IGFN1: variants seen among roughly 807,000 people sequenced by gnomAD.
IGFN1 encodes the protein immunoglobulin like and fibronectin type III domain containing 1.
Under a neutral mutation model 289.5 loss-of-function variants are expected in IGFN1, and 253 were observed. That is an observed-to-expected ratio of 0.87 (90% CI 0.79 to 0.97). IGFN1 has a LOEUF of 0.97. Among genes scored for constraint, IGFN1 ranks in the 50% least tolerant of loss-of-function variants. The probability of loss-of-function intolerance (pLI) is 0.00; values close to 1 mark genes in which losing one functional copy is unlikely to be tolerated. For missense variants in IGFN1, 4,470 were observed against 4,686.1 expected (o/e 0.95, Z 1.35); for synonymous variants, 1,706 against 1,788.5 (o/e 0.95, Z 1.16).
chr1:201,203,810 G>T lies in IGFN1; in HGVS notation c.820G>T (p.Glu274Ter). 1.3e-6 allele frequency: 2 copies of T among 1,551,716 alleles called. No homozygotes were observed. Among genetic ancestry groups the T allele is most frequent in the Non-Finnish European group, 1.7e-6 (2 of 1,147,010 alleles). ...HCLRRLGKRYEFQIQDLRPED... is the reference protein window; with the variant it reads ...HCLRRLGKRY Reference sequence around the variant, plus strand: ...TCTGCGCCGGCTGGGGAAGCGCTATGAGTTCCAGATTCAAGACCTGAGGCC... The same window carrying T: ...TCTGCGCCGGCTGGGGAAGCGCTATTAGTTCCAGATTCAAGACCTGAGGCC... Residue 274 changes from glutamate to a stop codon, truncating the protein, a stop_gained, in exon 10 of 24, where the codon GAG (glutamate) becomes TAG (stop). Transcript: ENST00000335211. LOFTEE classifies it high-confidence loss of function.
chr1:201,216,673 A>G lies in IGFN1; in HGVS notation c.9515A>G (p.Tyr3172Cys). The change falls in exon 16 of 24, where the codon TAT becomes TGT. Residue 3172 changes from tyrosine to cysteine, a missense_variant. By Grantham distance (194) the Tyr-to-Cys change is radical. Coordinates refer to ENST00000335211, the MANE Select transcript of IGFN1 (RefSeq NM_001164586.2). ...GCCCATGTGGAGCCAGGCAGGAAGT[A>G]TACCTTCCGAGTGCGGGCTGTGACC... Reference protein sequence around the residue: ...TDAHVEPGRKYTFRVRAVTSE... With the variant: ...TDAHVEPGRKCTFRVRAVTSE... 2 of 1,613,906 alleles carry G rather than the reference A, an allele frequency of 1.2e-6. No homozygotes were observed. Among genetic ancestry groups the G allele is most frequent in the South Asian group, 1.1e-5 (1 of 91,080 alleles).
chr1:201,227,242 G>A lies in IGFN1; in HGVS notation c.11113+34G>A, dbSNP rs748194702. ...GGCTGCCCTGGCAGTGGGGCAGGAA[G>A]GAGAGCCAGGAGAGCAACCACCTGC... is the stretch of plus-strand genomic sequence containing the variant. On this transcript the variant is annotated intron_variant, in intron 23 of 23. Transcript: ENST00000335211. 6 of 1,488,138 alleles carry A rather than the reference G, an allele frequency of 4.0e-6. No individual in the cohort carries two copies. The South Asian group carries it at 5.2e-5, about 13-fold the overall frequency. 92.2% of individuals were successfully genotyped at this position (1,488,138 alleles called of 1,614,324 possible).
intron 4 of IGFN1, among the ~76,000 whole-genome samples, 190 bp from the exon 5 acceptor site, chr1:201,197,028 T>C (rs1053139224): frequency 6.6e-6 from 1 of 152,216 alleles, no homozygotes; most frequent in East Asian, 1.9e-4. Flanking sequence ...TGGCAAAGAA[T>C]TGATACATCC....
At position 201,212,859 on chromosome 1, in the gene IGFN1, GAGAA is replaced by G; in HGVS notation, c.7970_7973del (p.Lys2657MetfsTer84). On this transcript the variant is annotated frameshift_variant, in exon 12 of 24. Coordinates refer to ENST00000335211, the MANE Select transcript of IGFN1 (RefSeq NM_001164586.2). LOFTEE classifies it high-confidence loss of function. Reference sequence around the variant, plus strand: ...CTCCAGAGCTTCCGGTTCTCTGCAGGAGAAAGATGCCGCTTTTGGTGGGACCCAT... The same window carrying G: ...CTCCAGAGCTTCCGGTTCTCTGCAGGAGATGCCGCTTTTGGTGGGACCCAT... The G allele has an allele frequency of 6.4e-7, 1 of 1,551,298 alleles. No homozygotes were observed. The highest frequency in any genetic ancestry group is 8.7e-7 in the Non-Finnish European group (1 of 1,146,888).
intron 23 of IGFN1, among the ~76,000 whole-genome samples, chr1:201,227,836 G>A (rs1328802144): frequency 6.6e-6 from 1 of 152,202 alleles, no homozygotes; most frequent in Non-Finnish European, 1.5e-5. Context: ...GCTACACATT[G>A]CAGGCTGAGA....
At chr1:201,226,191 C>A in intron 22 of IGFN1, 68 bp downstream of exon 22, 1 of 1,451,016 alleles carries the variant, frequency 6.9e-7, no homozygotes, top group Non-Finnish European at 9.1e-7. Flanking sequence ...GTGGGATGCA[C>A]CCAAGCATGG....
intron 15 of IGFN1, 71 bp from the exon 16 acceptor site, chr1:201,216,383 G>C (rs1474528004): frequency 9.4e-6 from 12 of 1,277,146 alleles, no homozygotes; most frequent in Admixed American, 5.8e-5. Flanking sequence ...CGGGGAGTTG[G>C]GGGGGTTGGC....
At chr1:201,192,023 C>T (rs371336184) in intron 1 of IGFN1, among the ~76,000 whole-genome samples, 5 of 152,336 alleles carry the variant, frequency 3.3e-5, no homozygotes, top group South Asian at 2.1e-4. Flanking sequence ...TCCCCCTGGC[C>T]GTGTCCAGCT....
At chr1:201,193,632 A>T (rs1400127045) in intron 2 of IGFN1, among the ~76,000 whole-genome samples, 2 of 152,024 alleles carry the variant, frequency 1.3e-5, no homozygotes, top group Admixed American at 1.3e-4. Flanking sequence ...TTGTATTTTT[A>T]GTAAAGGTGG....
Position 201,201,839 on chromosome 1 carries a change from CTGGAGGGGCTATGGG to C in IGFN1, c.747+11_747+25del. The C allele has an allele frequency of 9.6e-7, 1 of 1,045,930 alleles. No homozygotes were observed. The highest frequency in any genetic ancestry group is 1.4e-6 in the Non-Finnish European group (1 of 696,960). 64.8% of individuals were successfully genotyped at this position (1,045,930 alleles called of 1,614,324 possible). A position where few individuals can be genotyped will look rare whatever the true frequency, so the allele number is the denominator to read the frequency against. Reference sequence around the variant, plus strand: ...CAAGATTTACCTGTATAAGGTGAGGCTGGAGGGGCTATGGGTGGGGGGGATCTGGCAGGGATGCTT... The same window carrying C: ...CAAGATTTACCTGTATAAGGTGAGGCTGGGGGGGATCTGGCAGGGATGCTT... On this transcript the variant is annotated splice_region_variant and intron_variant, in intron 9 of 23. Transcript: ENST00000335211.
chr1:201,226,071 G>T lies in IGFN1; in HGVS notation c.10734G>T (p.Gly3578=), dbSNP rs1241307557. ...GGGTGGTGGCCAAGAATGAGCTGGG[G>T]GCCAGCAAACCCTCGGACACCAGCC... ...HFRVVAKNEL[G]ASKPSDTSQP... is the part of the protein sequence containing the mutation. The change falls in exon 22 of 24, where the codon GGG becomes GGT. Residue 3578 remains glycine (G), a synonymous_variant. Coordinates refer to ENST00000335211, the MANE Select transcript of IGFN1 (RefSeq NM_001164586.2). The T allele has an allele frequency of 1.2e-6, 2 of 1,603,616 alleles. No individual in the cohort carries two copies. The highest frequency in any genetic ancestry group is 1.3e-5 in the African/African-American group (1 of 74,884).
rs201751289 is a variant in IGFN1, at chr1:201,212,914, G to A, written c.8021G>A (p.Gly2674Glu). Residue 2674 changes from glycine to glutamate, a missense_variant, in exon 12 of 24, where the codon GGG (glycine) becomes GAG (glutamate). Around this residue, in one of 8 missense-constraint regions of IGFN1, gnomAD observed 2,218 missense variants for 2,114.1 expected, o/e 1.05. Transcript: ENST00000335211. ...THEGPGGFKG[G>E]EGAPGQEAAG... ...GAAGGGCCAGGGGGCTTTAAGGGTG[G>A]GGAGGGTGCACCAGGCCAAGAGGCG... 4.1e-4 allele frequency: 635 copies of A among 1,551,528 alleles called. 4 individuals are homozygous for A. Among genetic ancestry groups the A allele is most frequent in the Non-Finnish European group, 4.0e-4 (458 of 1,146,978 alleles).
At chr1:201,197,180 G>A (rs993911134) in intron 4 of IGFN1, 38 bp from the exon 5 acceptor site, 3 of 1,264,764 alleles carry the variant, frequency 2.4e-6, no homozygotes, top group African/African-American at 3.0e-5. Flanking sequence ...GGAAGGGGAT[G>A]TGGTAGCCCT....
At chr1:201,203,635 T>G in intron 9 of IGFN1, 103 bp from the exon 10 acceptor site, 2 of 1,062,754 alleles carry the variant, frequency 1.9e-6, no homozygotes, top group Non-Finnish European at 2.7e-6. Flanking sequence ...GTCTGGCGAC[T>G]GGGCCCGTGG....
rs1475585429 is a variant in IGFN1, at chr1:201,213,419, G to A, written c.8526G>A (p.Gly2842=). 8.1e-6 allele frequency: 13 copies of A among 1,613,914 alleles called. No individual in the cohort carries two copies. The highest frequency in any genetic ancestry group is 1.1e-5 in the Non-Finnish European group (13 of 1,179,970). Residue 2842 remains glycine (G), a synonymous_variant, in exon 12 of 24, where the codon GGG becomes GGA. Transcript: ENST00000335211. ...RRGADEAGSM[G]WQPMGENWGC... The stretch of plus-strand genomic sequence containing the variant: ...GAGCAGACGAGGCTGGAAGCATGGG[G>A]TGGCAGCCTATGGGAGAGAACTGGG...
In IGFN1 at chr1:201,228,452, C is replaced by A; in HGVS notation, c.*53C>A. ...ACCCTTGAAGCTTCACTTCCGACAC[C>A]TGCACTGGCCCGGGAAGCCAATCCC... On this transcript the variant is annotated 3_prime_UTR_variant, in exon 24 of 24. Transcript: ENST00000335211. 1 of 1,589,508 alleles carries A rather than the reference C, an allele frequency of 6.3e-7. No individual in the cohort carries two copies. The highest frequency in any genetic ancestry group is 8.6e-7 in the Non-Finnish European group (1 of 1,157,492).
chr1:201,212,149 G>T lies in IGFN1; in HGVS notation c.7256G>T (p.Gly2419Val), dbSNP rs761626585. The stretch of plus-strand genomic sequence containing the variant: ...GAAACCAGGCTTGTGGATGGGGCAG[G>T]ACCTGGGGTGGAACCTGGGATGGCT... ...ARETRLVDGA[G>V]PGVEPGMAGM... Residue 2419 changes from glycine to valine, a missense_variant, in exon 12 of 24, where the codon GGA (glycine) becomes GTA (valine). Coordinates refer to ENST00000335211, the MANE Select transcript of IGFN1 (RefSeq NM_001164586.2). 1 of 1,536,290 alleles carries T rather than the reference G, an allele frequency of 6.5e-7. No homozygotes were observed. The highest frequency in any genetic ancestry group is 8.7e-7 in the Non-Finnish European group (1 of 1,146,708).
chr1:201,214,046 A>G (rs751232736), intron 12 of IGFN1, 131 bp from the exon 13 acceptor site: 205 of 897,982 alleles, frequency 2.3e-4, no homozygotes, highest in Non-Finnish European at 3.1e-4. Context: ...CCAAGATAGC[A>G]TAGGTGCTGG....
At chr1:201,194,348 A>G in intron 3 of IGFN1, 75 bp downstream of exon 3, 2 of 1,501,476 alleles carry the variant, frequency 1.3e-6, no homozygotes, top group Non-Finnish European at 1.8e-6. Flanking sequence ...GGGCTGGGGC[A>G]CCAACCTTCC....
Sources: gnomAD v4.1 joint callset for allele counts (sites outside exome capture counted in the v4.1 genomes callset) on GRCh38, gnomAD v4.1.1 for gene constraint, gnomAD v4.1.1 regional missense constraint, MANE v1.5 for transcripts, NCBI Gene and HGNC (gene_info 2026-07-23, HGNC 2026-07-21) for gene names.